Variants in IL1RAPL2 observed in about 807,000 individuals in gnomAD.
IL1RAPL2 encodes the protein interleukin 1 receptor accessory protein like 2.
A neutral mutation model predicts 44.1 loss-of-function variants in IL1RAPL2; 3 were observed. That is an observed-to-expected ratio of 0.07 (90% CI 0.03 to 0.18). The LOEUF (loss-of-function observed/expected upper bound fraction) is 0.18. Among genes scored for constraint, IL1RAPL2 ranks in the 10% least tolerant of loss-of-function variants. IL1RAPL2 has a pLI of 1.00. For synonymous variants in IL1RAPL2, 181 were observed against 178.8 expected (o/e 1.01, Z -0.10); for missense variants, 391 against 496.4 (o/e 0.79, Z 2.02).
chrX:104,719,208 T>C (rs1472389521), intron 2 of IL1RAPL2, among the ~76,000 whole-genome samples: 3 of 112,466 alleles, frequency 2.7e-5, no homozygotes, highest in Admixed American at 9.4e-5. Flanking sequence ...TCTAATTATA[T>C]GTGAACCTGT....
chrX:105,235,276 G>A (rs960964837), intron 4 of IL1RAPL2, among the ~76,000 whole-genome samples: 2 of 111,477 alleles, frequency 1.8e-5, no homozygotes, highest in African/African-American at 3.3e-5. Flanking sequence ...GCTAACCTGG[G>A]GCCCACGGTC....
intron 2 of IL1RAPL2, among the ~76,000 whole-genome samples, chrX:104,883,693 T>A (rs1923142615): frequency 9.0e-6 from 1 of 111,142 alleles, no homozygotes; most frequent in Non-Finnish European, 1.9e-5. Flanking sequence ...TAGTGTAAAC[T>A]CCAGGACTCT....
At chrX:105,013,837 A>G (rs1437774542) in intron 2 of IL1RAPL2, among the ~76,000 whole-genome samples, 2 of 111,937 alleles carry the variant, frequency 1.8e-5, no homozygotes, top group Admixed American at 1.9e-4. Flanking sequence ...GTTTTATAGC[A>G]TATAATCAGT....
chrX:104,967,904 GA>G (rs970930520), intron 2 of IL1RAPL2, among the ~76,000 whole-genome samples: 2 of 108,349 alleles, frequency 1.8e-5, no homozygotes, highest in Admixed American at 9.9e-5. Context: ...AAATCTGCAG[GA>G]AAAAAAAGAA....
chrX:105,214,473 A>G (rs1323631599), intron 3 of IL1RAPL2, among the ~76,000 whole-genome samples: 1 of 110,832 alleles, frequency 9.0e-6, no homozygotes, highest in Non-Finnish European at 1.9e-5. Flanking sequence ...CAGATTCATG[A>G]AACAAGTTCT....
At chrX:105,046,836 T>TTTTG (rs1556036881) in intron 2 of IL1RAPL2, among the ~76,000 whole-genome samples, 38 of 99,410 alleles carry the variant, frequency 3.8e-4, no homozygotes, top group African/African-American at 1.4e-3. Context: ...TTTTTTTTTT[T>TTTTG]GGGGGGGTGC....
At chrX:105,326,169 C>G (rs1361835819) in intron 5 of IL1RAPL2, among the ~76,000 whole-genome samples, 6 of 111,204 alleles carry the variant, frequency 5.4e-5, no homozygotes, top group Non-Finnish European at 1.1e-4. Context: ...TCTCCCACCT[C>G]AGCCTGCAGA....
intron 2 of IL1RAPL2, among the ~76,000 whole-genome samples, chrX:104,949,680 A>G (rs990094818): frequency 3.6e-5 from 4 of 110,171 alleles, no homozygotes; most frequent in African/African-American, 1.3e-4. Context: ...TTATGTAGCC[A>G]GTAGTCATTC....
intron 2 of IL1RAPL2, among the ~76,000 whole-genome samples, chrX:104,824,076 T>C (rs1019236447): frequency 8.9e-6 from 1 of 112,181 alleles, no homozygotes; most frequent in African/African-American, 3.2e-5. Flanking sequence ...ATACCTAGTT[T>C]ATTGATAGTT....
chrX:105,682,727 G>A (rs1421586589), intron 6 of IL1RAPL2, among the ~76,000 whole-genome samples: 1 of 112,137 alleles, frequency 8.9e-6, no homozygotes, highest in Non-Finnish European at 1.9e-5. Flanking sequence ...GAACTCATCA[G>A]CAGTAACATA....
At chrX:105,679,116 A>G (rs992099055) in intron 6 of IL1RAPL2, among the ~76,000 whole-genome samples, 3 of 108,511 alleles carry the variant, frequency 2.8e-5, no homozygotes, top group Non-Finnish European at 5.7e-5. Context: ...TGTTTGCTAT[A>G]TGGAATCATA....
At chrX:104,609,994 A>G (rs1929113493) in intron 1 of IL1RAPL2, among the ~76,000 whole-genome samples, 2 of 111,423 alleles carry the variant, frequency 1.8e-5, no homozygotes, top group South Asian at 7.4e-4. Flanking sequence ...GGATTTATCT[A>G]CCTTTGGTGT....
At chrX:105,659,096 C>T (rs908770007) in intron 6 of IL1RAPL2, among the ~76,000 whole-genome samples, 1 of 110,645 alleles carries the variant, frequency 9.0e-6, no homozygotes, top group Non-Finnish European at 1.9e-5. Flanking sequence ...CATTGTGCTC[C>T]AGCCGGGGCA....
chrX:104,641,176 T>G (rs1929927915), intron 1 of IL1RAPL2, among the ~76,000 whole-genome samples: 1 of 111,883 alleles, frequency 8.9e-6, no homozygotes, highest in South Asian at 3.7e-4. Flanking sequence ...AGGTGGCACT[T>G]GCAGGTAGAT....
At chrX:104,813,889 T>C (rs1372107794) in intron 2 of IL1RAPL2, among the ~76,000 whole-genome samples, 1 of 111,950 alleles carries the variant, frequency 8.9e-6, no homozygotes, top group Non-Finnish European at 1.9e-5. Context: ...TTCTTACAGC[T>C]CTTTTCAACT....
chrX:105,361,081 G>T (rs980191025), intron 5 of IL1RAPL2, among the ~76,000 whole-genome samples: 1 of 111,498 alleles, frequency 9.0e-6, no homozygotes, highest in African/African-American at 3.3e-5. Flanking sequence ...AGAGAATGTG[G>T]CCTCTGATGA....
intron 5 of IL1RAPL2, among the ~76,000 whole-genome samples, chrX:105,284,366 A>G (rs909985762): frequency 8.9e-6 from 1 of 112,317 alleles, no homozygotes; most frequent in Non-Finnish European, 1.9e-5. Context: ...ATATTGAGAT[A>G]TGCACATTTG....
At chrX:104,672,775 T>G (rs1247807176) in intron 2 of IL1RAPL2, among the ~76,000 whole-genome samples, 1 of 107,858 alleles carries the variant, frequency 9.3e-6, no homozygotes, top group African/African-American at 3.4e-5. Context: ...CCTGACTTTT[T>G]AATGATCGCC....
intron 2 of IL1RAPL2, among the ~76,000 whole-genome samples, chrX:105,075,959 G>T (rs36136924): frequency 9.0e-6 from 1 of 111,463 alleles, no homozygotes; most frequent in Admixed American, 9.5e-5. Flanking sequence ...CTTGCTAGCG[G>T]TCAATCAATT....
Sources: allele counts gnomAD v4.1 joint callset (sites outside exome capture counted in the v4.1 genomes callset), GRCh38; gene constraint gnomAD v4.1.1; transcripts MANE v1.5; gene names NCBI Gene and HGNC (gene_info 2026-07-23, HGNC 2026-07-21).